BACH2: variants seen among roughly 807,000 people sequenced by gnomAD.
The protein encoded by BACH2 is BACH transcriptional regulator 2, also known as transcription regulator protein BACH2.
A neutral mutation model predicts 61.8 loss-of-function variants in BACH2; 5 were observed. The observed-to-expected ratio is 0.08, with a 90% CI of 0.04 to 0.17. The LOEUF (loss-of-function observed/expected upper bound fraction) is 0.17. Ranked by LOEUF, BACH2 falls within the 10% of genes least tolerant of loss-of-function variation. BACH2 has a pLI of 1.00. For synonymous variants in BACH2, 446 were observed against 440.1 expected (o/e 1.01, Z -0.17); for missense variants, 824 against 1,091.1 (o/e 0.76, Z 3.45).
chr6:89,973,853 A>G (rs927480591), intron 6 of BACH2, among the ~76,000 whole-genome samples: 1 of 152,098 alleles, frequency 6.6e-6, no homozygotes, highest in Non-Finnish European at 1.5e-5. Flanking sequence ...TAAATTGAGG[A>G]GAGCCATTAA....
Position 90,239,157 on chromosome 6 carries a change from T to C in BACH2, c.-275+13356A>G, listed in dbSNP as rs528857111. Among the ~76,000 whole-genome samples, 8 of 152,306 alleles carry C rather than the reference T, an allele frequency of 5.3e-5. No individual in the cohort carries two copies. In the South Asian group the frequency reaches 1.7e-3, roughly 32 times the overall value. On this transcript the variant is annotated intron_variant, in intron 3 of 8. Transcript: ENST00000257749. ...AAATCAATACACAACCCCATATGTA[T>C]GTGGTGTGCCAGGAACAGCCTAAGA...
intron 6 of BACH2, among the ~76,000 whole-genome samples, chr6:89,977,795 G>C (rs888410394): frequency 3.9e-5 from 6 of 152,188 alleles, no homozygotes; most frequent in Admixed American, 6.5e-5. Context: ...TCAGTAAATA[G>C]AGCAAAGTCA....
intron 4 of BACH2, among the ~76,000 whole-genome samples, chr6:90,143,234 G>A (rs562126506): frequency 6.6e-6 from 1 of 152,278 alleles, no homozygotes; most frequent in East Asian, 1.9e-4. Flanking sequence ...GGCAGCTAGA[G>A]AGCTGGGGAA....
At chr6:90,098,011 A>G (rs942466438) in intron 4 of BACH2, among the ~76,000 whole-genome samples, 1 of 152,202 alleles carries the variant, frequency 6.6e-6, no homozygotes, top group African/African-American at 2.4e-5. Flanking sequence ...TCTAGGTTCT[A>G]TACTAGCTGT....
At chr6:90,218,466 C>T (rs919871580) in intron 3 of BACH2, among the ~76,000 whole-genome samples, 4 of 151,916 alleles carry the variant, frequency 2.6e-5, no homozygotes, top group African/African-American at 4.8e-5. Context: ...CTGGCTTCCC[C>T]TCTTTCCTCT....
At chr6:90,185,657 G>A (rs1244602710) in intron 4 of BACH2, among the ~76,000 whole-genome samples, 1 of 152,084 alleles carries the variant, frequency 6.6e-6, no homozygotes, top group African/African-American at 2.4e-5. Flanking sequence ...ATTACCTGTG[G>A]ATGAAACGAC....
chr6:89,950,473 A>T lies in BACH2; in HGVS notation c.1633T>A (p.Phe545Ile). 6.2e-7 allele frequency: 1 copy of T among 1,614,126 alleles called. No homozygotes were observed. The highest frequency in any genetic ancestry group is 8.5e-7 in the Non-Finnish European group (1 of 1,180,012). The change falls in exon 7 of 9, where the codon TTC (phenylalanine) becomes ATC (isoleucine). Residue 545 changes from phenylalanine to isoleucine, a missense_variant. By Grantham distance (21) the Phe-to-Ile change is conservative. Around this residue, in one of 8 missense-constraint regions of BACH2, gnomAD observed 160 missense variants for 283.5 expected, o/e 0.56. Transcript: ENST00000257749. The surrounding 1 kb of genome is among the most constrained non-coding windows in gnomAD (Gnocchi z 5.3). ...CCCTGGGAACAGGGCGAGGAGGAGA[A>T]CTCACAGAGAGGGAGGCTGCAGGGT... ...GSPCSLPLCE[F>I]SSSPCSQGAR...
intron 6 of BACH2, among the ~76,000 whole-genome samples, chr6:90,004,286 C>T (rs1777286547): frequency 6.6e-6 from 1 of 152,096 alleles, no homozygotes; most frequent in Admixed American, 6.5e-5. Flanking sequence ...TGAGATTTGC[C>T]CCAAAATGTT....
chr6:90,084,565 G>A (rs956492141), intron 5 of BACH2, among the ~76,000 whole-genome samples: 3 of 147,802 alleles, frequency 2.0e-5, no homozygotes, highest in Non-Finnish European at 3.0e-5. Context: ...GTATCTCAGC[G>A]GCTCCCCATA....
chr6:90,048,050 G>A (rs752667830), intron 5 of BACH2, among the ~76,000 whole-genome samples: 5 of 152,104 alleles, frequency 3.3e-5, no homozygotes, highest in Admixed American at 1.3e-4. Context: ...AAATTCAGTC[G>A]TAGCTTTTCT....
At chr6:89,972,998 G>A (rs947349884) in intron 6 of BACH2, among the ~76,000 whole-genome samples, 5 of 152,314 alleles carry the variant, frequency 3.3e-5, no homozygotes, top group South Asian at 2.1e-4. Flanking sequence ...TCTGAGGCAG[G>A]AGAATCGCTT....
intron 2 of BACH2, among the ~76,000 whole-genome samples, chr6:90,271,366 T>TAAAAAAA (rs3073450): frequency 2.9e-4 from 30 of 103,712 alleles, no homozygotes; most frequent in African/African-American, 6.9e-4. Flanking sequence ...CAACCCCATT[T>TAAAAAAA]AAAAAAAAAA....
chr6:90,180,094 G>A (rs1197261307), intron 4 of BACH2, among the ~76,000 whole-genome samples: 1 of 152,068 alleles, frequency 6.6e-6, no homozygotes, highest in Non-Finnish European at 1.5e-5. Flanking sequence ...AATTCTAAAA[G>A]TCTTAGTGCA....
chr6:89,963,883 G>C (rs984757279), intron 6 of BACH2, among the ~76,000 whole-genome samples: 3 of 152,190 alleles, frequency 2.0e-5, no homozygotes, highest in African/African-American at 7.2e-5. Context: ...TTAAAAGGAA[G>C]AAAATCCTGT....
chr6:90,087,069 G>A (rs1478572170), intron 5 of BACH2, among the ~76,000 whole-genome samples: 1 of 152,010 alleles, frequency 6.6e-6, no homozygotes, highest in Non-Finnish European at 1.5e-5. Context: ...GATATTGGGG[G>A]TTTTATTTTA....
Position 89,950,032 on chromosome 6 carries a change from C to A in BACH2, c.1836+238G>T. 1 of 573,762 alleles carries A rather than the reference C, an allele frequency of 1.7e-6. No individual in the cohort carries two copies. Among genetic ancestry groups the A allele is most frequent in the Non-Finnish European group, 3.1e-6 (1 of 320,134 alleles). The allele number at this position is 573,762 out of a possible 1,614,324, so 35.5% of individuals were successfully genotyped here. ...CAGTATATTTTTACTCAGCAGCTTG[C>A]CTCTGCTTGTCGAGTATTGAGATCC... On this transcript the variant is annotated intron_variant, in intron 7 of 8. Transcript: ENST00000257749. This position sits in a 1 kb window ranked among gnomAD's most constrained non-coding sequence, Gnocchi z 5.3.
chr6:90,241,816 A>T (rs908875390), intron 3 of BACH2, among the ~76,000 whole-genome samples: 1 of 152,244 alleles, frequency 6.6e-6, no homozygotes, highest in African/African-American at 2.4e-5. Flanking sequence ...AAAAAATTAA[A>T]AAACAACTAG....
chr6:90,189,570 T>G (rs537105573), intron 4 of BACH2, among the ~76,000 whole-genome samples: 331 of 135,624 alleles, frequency 2.4e-3, no homozygotes, highest in African/African-American at 9.0e-3. Flanking sequence ...ATTGCGCCAC[T>G]GCAGTCCGCA....
chr6:90,013,673 AT>A (rs565945191), intron 5 of BACH2, among the ~76,000 whole-genome samples: 22 of 150,008 alleles, frequency 1.5e-4, no homozygotes, highest in Middle Eastern at 3.2e-3. Flanking sequence ...TGCCAGGCTA[AT>A]TTTTTTTGTA....
Sources: allele counts gnomAD v4.1 joint callset (sites outside exome capture counted in the v4.1 genomes callset), GRCh38; gene constraint gnomAD v4.1.1; regional missense constraint gnomAD v4.1.1; non-coding constraint Gnocchi (gnomAD v3.1); transcripts MANE v1.5; gene names NCBI Gene and HGNC (gene_info 2026-07-23, HGNC 2026-07-21).